TBC1D5: variants seen among roughly 807,000 people sequenced by gnomAD.
The protein encoded by TBC1D5 is TBC1 domain family, member 5.
Under a neutral mutation model 100.3 loss-of-function variants are expected in TBC1D5, and 75 were observed. That is an observed-to-expected ratio of 0.75 (90% confidence interval 0.62 to 0.91). The LOEUF is 0.91. Among genes scored for constraint, TBC1D5 ranks in the 40% least tolerant of loss-of-function variants. The pLI is 0.00. For missense variants in TBC1D5, 910 were observed against 942.4 expected, an observed-to-expected ratio of 0.97 and a Z score of 0.45; for synonymous variants, 323 against 325.6, an observed-to-expected ratio of 0.99 and a Z score of 0.09.
chr3:17,725,930 A>C (rs13069155), intron 1 of TBC1D5, among the ~76,000 whole-genome samples: 1 of 151,934 alleles, frequency 6.6e-6, no homozygotes, highest in Non-Finnish European at 1.5e-5. Context: ...TGTGTACTCA[A>C]TGTTTAGCTC....
chr3:17,502,803 T>TA lies in TBC1D5; in HGVS notation c.97+5670dup, dbSNP rs1287791628. ...ATACTGGCATTATCACAGACCTAAC[T>TA]AGTCAACTCAGAAAACTGTATGTCA... On this transcript the variant is annotated intron_variant, in intron 3 of 21. Transcript: ENST00000253692. Among the ~76,000 whole-genome samples the TA allele has an allele frequency of 1.1e-4, 17 of 149,588 alleles. 4 individuals carry two copies. Among genetic ancestry groups the TA allele is most frequent in the African/African-American group, 4.3e-4 (17 of 39,454 alleles).
chr3:17,728,467 G>A (rs973377910), intron 1 of TBC1D5, among the ~76,000 whole-genome samples: 1 of 152,048 alleles, frequency 6.6e-6, no homozygotes, highest in Non-Finnish European at 1.5e-5. Context: ...AGGGAAGTCT[G>A]GTCCTATTCA....
intron 17 of TBC1D5, among the ~76,000 whole-genome samples, chr3:17,225,420 TA>T (rs1412491482): frequency 9.0e-6 from 1 of 111,030 alleles, no homozygotes; most frequent in African/African-American, 3.7e-5. Flanking sequence ...GTCTGGGCGA[TA>T]AGAGTGAGAC....
chr3:17,446,572 G>A (rs952562683), intron 3 of TBC1D5, among the ~76,000 whole-genome samples: 4 of 152,204 alleles, frequency 2.6e-5, no homozygotes, highest in African/African-American at 9.7e-5. Context: ...TGGAATGTCA[G>A]ATATATGAAT....
At chr3:17,219,075 G>A (rs192961802) in intron 17 of TBC1D5, among the ~76,000 whole-genome samples, 1 of 150,684 alleles carries the variant, frequency 6.6e-6, no homozygotes, top group Non-Finnish European at 1.5e-5. Flanking sequence ...GCAGGTCCTT[G>A]AGGCTCTTTT....
intron 1 of TBC1D5, among the ~76,000 whole-genome samples, chr3:17,720,136 C>T (rs1310367688): frequency 6.6e-6 from 1 of 152,056 alleles, no homozygotes; most frequent in Non-Finnish European, 1.5e-5. Flanking sequence ...TAGATAAAGC[C>T]GTGTCGCTCT....
At chr3:17,465,089 T>A (rs1210711103) in intron 3 of TBC1D5, 1 of 152,082 alleles carries the variant, frequency 6.6e-6, no homozygotes, top group Non-Finnish European at 1.5e-5. Context: ...AAAAACCAGC[T>A]GAGAAATAAA....
At chr3:17,202,630 C>G (rs1403245992) in intron 18 of TBC1D5, among the ~76,000 whole-genome samples, 1 of 152,232 alleles carries the variant, frequency 6.6e-6, no homozygotes, top group East Asian at 1.9e-4. Context: ...GGGCCCAGGG[C>G]CCTGCTACCC....
At chr3:17,633,508 T>G (rs575739932) in intron 1 of TBC1D5, among the ~76,000 whole-genome samples, 1 of 152,144 alleles carries the variant, frequency 6.6e-6, no homozygotes, top group African/African-American at 2.4e-5. Flanking sequence ...AGGTAAATGT[T>G]CTACTTAGGC....
At chr3:17,696,228 A>C (rs1485435350) in intron 1 of TBC1D5, among the ~76,000 whole-genome samples, 1 of 152,190 alleles carries the variant, frequency 6.6e-6, no homozygotes, top group African/African-American at 2.4e-5. Flanking sequence ...AGCTAGCAGA[A>C]GGCAAGAAAT....
intron 1 of TBC1D5, among the ~76,000 whole-genome samples, chr3:17,681,597 CAT>C (rs1271035413): frequency 6.6e-6 from 1 of 151,620 alleles, no homozygotes; most frequent in Non-Finnish European, 1.5e-5. Flanking sequence ...ACTTTATCAA[CAT>C]ATGTGACATG....
intron 4 of TBC1D5, among the ~76,000 whole-genome samples, chr3:17,407,440 A>G (rs2093800967): frequency 6.6e-6 from 1 of 152,140 alleles, no homozygotes; most frequent in South Asian, 2.1e-4. Flanking sequence ...ATTTACATAT[A>G]ACTTAACATT....
At chr3:17,480,998 G>C (rs2095495275) in intron 3 of TBC1D5, among the ~76,000 whole-genome samples, 1 of 152,190 alleles carries the variant, frequency 6.6e-6, no homozygotes, top group African/African-American at 2.4e-5. Flanking sequence ...GCAATCAAAA[G>C]GAGAGAAGAG....
chr3:17,417,376 G>A (rs2094107762), intron 4 of TBC1D5, among the ~76,000 whole-genome samples: 1 of 138,954 alleles, frequency 7.2e-6, no homozygotes, highest in South Asian at 2.2e-4. Context: ...AGAGTGTGAT[G>A]TTCCCCTTCC....
At chr3:17,174,609 T>TTG (rs2067513687) in intron 19 of TBC1D5, among the ~76,000 whole-genome samples, 2 of 145,284 alleles carry the variant, frequency 1.4e-5, no homozygotes, top group East Asian at 2.2e-4. Flanking sequence ...TGTTGTTGTT[T>TTG]TTGAGACAGA....
chr3:17,351,141 G>C (rs556068408), intron 13 of TBC1D5, among the ~76,000 whole-genome samples: 1 of 152,224 alleles, frequency 6.6e-6, no homozygotes, highest in East Asian at 1.9e-4. Flanking sequence ...AATAAAAGTA[G>C]GGAGACTTGT....
intron 2 of TBC1D5, among the ~76,000 whole-genome samples, chr3:17,549,920 A>T (rs1454606426): frequency 6.6e-6 from 1 of 151,098 alleles, no homozygotes; most frequent in Non-Finnish European, 1.5e-5. Flanking sequence ...ACACAATGAG[A>T]CTCTGTCTAA....
intron 3 of TBC1D5, among the ~76,000 whole-genome samples, chr3:17,470,220 A>G (rs2095356811): frequency 6.6e-6 from 1 of 152,214 alleles, no homozygotes; most frequent in Admixed American, 6.5e-5. Context: ...AAATCTGGCT[A>G]ACAAAGCTAT....
At chr3:17,668,825 T>C (rs928824137) in intron 1 of TBC1D5, among the ~76,000 whole-genome samples, 1 of 152,130 alleles carries the variant, frequency 6.6e-6, no homozygotes, top group African/African-American at 2.4e-5. Context: ...TCCTCCCCAC[T>C]TTCTGTGGCT....
Sources: gnomAD v4.1 joint callset for allele counts (sites outside exome capture counted in the v4.1 genomes callset) on GRCh38, gnomAD v4.1.1 for gene constraint, MANE v1.5 for transcripts, NCBI Gene and HGNC (gene_info 2026-07-23, HGNC 2026-07-21) for gene names.